Variants in EPSTI1 observed in about 807,000 individuals in gnomAD.
The protein encoded by EPSTI1 is epithelial stromal interaction 1, also known as epithelial-stromal interaction protein 1.
EPSTI1 carries 66 observed loss-of-function variants against 49.9 expected under a neutral mutation model. The ratio of observed to expected loss-of-function variants is 1.32; its 90% CI spans 1.08 to 1.62. EPSTI1 has a LOEUF of 1.62. Among genes scored for constraint, EPSTI1 ranks in the 40% most tolerant of loss-of-function variants. The pLI is 0.00. For missense variants in EPSTI1, 394 were observed against 365.5 expected (o/e 1.08, Z -0.64); for synonymous variants, 137 against 130.7 (o/e 1.05, Z -0.33).
chr13:42,939,387 C>T (rs1014511407), intron 6 of EPSTI1, among the ~76,000 whole-genome samples: 5 of 152,032 alleles, frequency 3.3e-5, no homozygotes, highest in African/African-American at 9.7e-5. Flanking sequence ...AACATGCCTC[C>T]GCACAGAGCT....
At chr13:42,983,799 A>C (rs981348194) in intron 1 of EPSTI1, among the ~76,000 whole-genome samples, 2 of 152,112 alleles carry the variant, frequency 1.3e-5, no homozygotes, top group African/African-American at 2.4e-5. Context: ...CATGAAAAGA[A>C]TATTCAATAA....
chr13:42,933,454 T>C (rs1468142693), intron 6 of EPSTI1, among the ~76,000 whole-genome samples: 1 of 151,978 alleles, frequency 6.6e-6, no homozygotes, highest in Admixed American at 6.6e-5. Context: ...TGCCTGAAAA[T>C]GAAGCAGACA....
chr13:42,945,219 C>T (rs769508511), intron 6 of EPSTI1, among the ~76,000 whole-genome samples: 1 of 152,146 alleles, frequency 6.6e-6, no homozygotes, highest in East Asian at 1.9e-4. Context: ...TCTTACACGG[C>T]GGCAGGCAAG....
intron 3 of EPSTI1, among the ~76,000 whole-genome samples, chr13:42,967,938 G>A (rs2039665427): frequency 6.6e-6 from 1 of 152,302 alleles, no homozygotes; most frequent in African/African-American, 2.4e-5. Flanking sequence ...ACAGGCCTGG[G>A]TTAGAGCAGG....
At position 42,888,438 on chromosome 13, in the gene EPSTI1, T is replaced by A; in HGVS notation, c.*56A>T. ...AACAAAATCACATTAAGAAAAAGCA[T>A]CTCATGAGGCTTTTCGAGGTCAGTT... On this transcript the variant is annotated 3_prime_UTR_variant, in exon 11 of 11. Transcript: ENST00000313624. 1 of 1,613,900 alleles carries A rather than the reference T, an allele frequency of 6.2e-7. No individual in the cohort carries two copies. The highest frequency in any genetic ancestry group is 8.5e-7 in the Non-Finnish European group (1 of 1,179,880).
Position 42,886,407 on chromosome 13 carries a change from G to A in EPSTI1, c.*2087C>T, listed in dbSNP as rs1184052278. 1 of 151,778 alleles carries A rather than the reference G, an allele frequency of 6.6e-6. No homozygotes were observed. Among genetic ancestry groups the A allele is most frequent in the Non-Finnish European group, 1.5e-5 (1 of 67,966 alleles). 9.4% of individuals were successfully genotyped at this position (151,778 alleles called of 1,614,324 possible). A position where few individuals can be genotyped will look rare whatever the true frequency, so the allele number is the denominator to read the frequency against. On this transcript the variant is annotated 3_prime_UTR_variant, in exon 11 of 11. Coordinates refer to ENST00000313624, the MANE Select transcript of EPSTI1 (RefSeq NM_033255.5). Reference sequence around the variant, plus strand: ...AAGTGGTAAATCCAAATACAAAAGTGTTTAGAAGTTTATTAAACATTTTAT... The same window carrying A: ...AAGTGGTAAATCCAAATACAAAAGTATTTAGAAGTTTATTAAACATTTTAT...
intron 8 of EPSTI1, among the ~76,000 whole-genome samples, chr13:42,905,075 T>C (rs1048025585): frequency 1.1e-4 from 16 of 152,224 alleles, no homozygotes; most frequent in African/African-American, 3.4e-4. Flanking sequence ...TGCTTTCCTT[T>C]ATTTAAAAAT....
chr13:42,906,294 G>T (rs537742066), intron 8 of EPSTI1, among the ~76,000 whole-genome samples: 1 of 152,332 alleles, frequency 6.6e-6, no homozygotes, highest in South Asian at 2.1e-4. Flanking sequence ...TGTGTGTAAA[G>T]CTGGATGCTT....
At chr13:42,893,554 C>G (rs2037100232) in intron 10 of EPSTI1, among the ~76,000 whole-genome samples, 1 of 152,322 alleles carries the variant, frequency 6.6e-6, no homozygotes, top group African/African-American at 2.4e-5. Flanking sequence ...CAATGCTCCT[C>G]TCTTTGATCT....
At chr13:42,961,800 C>A (rs1489293823) in intron 5 of EPSTI1, among the ~76,000 whole-genome samples, 1 of 152,156 alleles carries the variant, frequency 6.6e-6, no homozygotes, top group African/African-American at 2.4e-5. Flanking sequence ...GCTAGAGGCT[C>A]TTGGGTGGCA....
At chr13:42,910,602 C>T (rs541867631) in intron 8 of EPSTI1, among the ~76,000 whole-genome samples, 2 of 152,250 alleles carry the variant, frequency 1.3e-5, no homozygotes, top group East Asian at 1.9e-4. Context: ...TCAGTTGATT[C>T]TCTTAGTTTG....
chr13:42,969,804 TCCC>T (rs2039722374), intron 2 of EPSTI1: 1 of 152,242 alleles, frequency 6.6e-6, no homozygotes, highest in African/African-American at 2.4e-5. Context: ...CTCCAGCGCC[TCCC>T]CTTATCTCCT....
intron 6 of EPSTI1, among the ~76,000 whole-genome samples, chr13:42,953,223 C>G (rs1196422517): frequency 6.8e-6 from 1 of 147,594 alleles, no homozygotes; most frequent in Non-Finnish European, 1.5e-5. Flanking sequence ...TGCAAATGGC[C>G]TATAAGATAG....
intron 5 of EPSTI1, among the ~76,000 whole-genome samples, chr13:42,956,995 A>G (rs572450528): frequency 1.2e-4 from 19 of 152,346 alleles, no homozygotes; most frequent in Admixed American, 1.2e-3. Context: ...GTTAAACTGC[A>G]GCAAGGGCCA....
intron 1 of EPSTI1, among the ~76,000 whole-genome samples, chr13:42,979,445 G>A (rs1010143806): frequency 2.0e-5 from 3 of 151,980 alleles, no homozygotes; most frequent in Admixed American, 1.3e-4. Flanking sequence ...AGCCGGGCGT[G>A]GTGGCGGGTG....
intron 6 of EPSTI1, among the ~76,000 whole-genome samples, chr13:42,942,345 T>A (rs1327039973): frequency 6.6e-6 from 1 of 152,156 alleles, no homozygotes; most frequent in Non-Finnish European, 1.5e-5. Flanking sequence ...TGCTTGTTAC[T>A]TTTTATTGAA....
At position 42,919,629 on chromosome 13, in the gene EPSTI1, G is replaced by A. The variant is rs1027420561; in HGVS notation, c.658-2005C>T. On this transcript the variant is annotated intron_variant, in intron 7 of 10. Coordinates refer to ENST00000313624, the MANE Select transcript of EPSTI1 (RefSeq NM_033255.5). ...TTACAGCTTAGTGTGAAAGTCAAAC[G>A]AGAAGACTAATGGTTACAGTACAGC... Among the ~76,000 whole-genome samples, 5 of 152,132 alleles carry A rather than the reference G, an allele frequency of 3.3e-5. No individual in the cohort carries two copies. In the East Asian group the frequency reaches 7.7e-4, roughly 23 times the overall value.
At chr13:42,891,976 A>C (rs1397260531) in intron 10 of EPSTI1, among the ~76,000 whole-genome samples, 1 of 152,266 alleles carries the variant, frequency 6.6e-6, no homozygotes, top group Non-Finnish European at 1.5e-5. Context: ...GTGAGAGGAC[A>C]GGCAGCAGCT....
intron 6 of EPSTI1, among the ~76,000 whole-genome samples, chr13:42,927,206 C>T (rs1466326400): frequency 3.3e-5 from 5 of 152,120 alleles, no homozygotes; most frequent in Non-Finnish European, 7.4e-5. Context: ...CTTAAAAATC[C>T]AAACCACCAC....
Sources: allele counts gnomAD v4.1 joint callset (sites outside exome capture counted in the v4.1 genomes callset), GRCh38; gene constraint gnomAD v4.1.1; transcripts MANE v1.5; gene names NCBI Gene and HGNC (gene_info 2026-07-23, HGNC 2026-07-21).